Variants in HBS1L observed in about 807,000 individuals in gnomAD.
HBS1L encodes HBS1 like translational GTPase, also known as HBS1-like protein.
In HBS1L, 55 loss-of-function variants were observed where a neutral mutation model predicts 88.9. The ratio of observed to expected loss-of-function variants is 0.62; its 90% confidence interval spans 0.50 to 0.77. The LOEUF is 0.77. Among genes scored for constraint, HBS1L ranks in the 30% least tolerant of loss-of-function variants. HBS1L has a pLI of 0.00. For synonymous variants in HBS1L, 267 were observed against 288.5 expected (o/e 0.93, Z 0.76); for missense variants, 741 against 829.3 (o/e 0.89, Z 1.31).
intron 4 of HBS1L, among the ~76,000 whole-genome samples, chr6:135,033,733 CTT>C (rs1434853421): frequency 6.6e-6 from 1 of 152,178 alleles, no homozygotes; most frequent in Non-Finnish European, 1.5e-5. Flanking sequence ...TTGAAAATTA[CTT>C]TGTTATAAAA....
intron 4 of HBS1L, among the ~76,000 whole-genome samples, chr6:135,009,812 T>G (rs1302356035): frequency 6.6e-6 from 1 of 151,836 alleles, no homozygotes; most frequent in African/African-American, 2.4e-5. Context: ...TTTTTTTTTT[T>G]TTTGTATTTT....
intron 11 of HBS1L, among the ~76,000 whole-genome samples, chr6:134,985,650 T>C (rs947126515): frequency 1.3e-5 from 2 of 152,044 alleles, no homozygotes; most frequent in African/African-American, 4.8e-5. Context: ...GAAATGCTCA[T>C]TGGAGCATTT....
intron 4 of HBS1L, among the ~76,000 whole-genome samples, chr6:135,028,702 G>A (rs1165722285): frequency 6.6e-6 from 1 of 152,030 alleles, no homozygotes; most frequent in Non-Finnish European, 1.5e-5. Context: ...ATGACCAACT[G>A]GAGACGGTTC....
At chr6:134,984,796 T>C (rs1414652376) in intron 12 of HBS1L, among the ~76,000 whole-genome samples, 3 of 152,180 alleles carry the variant, frequency 2.0e-5, no homozygotes, top group Non-Finnish European at 4.4e-5. Flanking sequence ...CAGCCCTATC[T>C]ATAAAGTTTC....
intron 4 of HBS1L, among the ~76,000 whole-genome samples, chr6:135,007,025 T>C (rs978919579): frequency 1.3e-5 from 2 of 152,226 alleles, no homozygotes; most frequent in African/African-American, 4.8e-5. Context: ...AAAAAATTTA[T>C]TGTCCCACTT....
intron 4 of HBS1L, among the ~76,000 whole-genome samples, chr6:135,017,678 C>T (rs1775959737): frequency 6.6e-6 from 1 of 151,600 alleles, no homozygotes; most frequent in African/African-American, 2.4e-5. Context: ...ATAACCTTAA[C>T]AACATAAAGA....
Position 134,978,688 on chromosome 6 carries a change from T to C in HBS1L, c.1788A>G (p.Lys596=). 4 of 1,556,484 alleles carry C rather than the reference T, an allele frequency of 2.6e-6. No individual in the cohort carries two copies. The highest frequency in any genetic ancestry group is 3.5e-6 in the Non-Finnish European group (4 of 1,134,476). ...ACATTTTGGAACTTACAGGAAATCC[T>C]TTAGTGATAGGAATTTCAATATTAA... ...LIFNIEIPIT[K]GFPVLLHYQT... is the part of the protein sequence containing the mutation. Residue 596 remains lysine, a synonymous_variant, in exon 15 of 18, where the codon AAA becomes AAG. Coordinates refer to ENST00000367837, the MANE Select transcript of HBS1L (RefSeq NM_006620.4).
intron 13 of HBS1L, among the ~76,000 whole-genome samples, chr6:134,982,080 A>G (rs930430735): frequency 2.6e-5 from 4 of 152,072 alleles, no homozygotes; most frequent in South Asian, 2.1e-4. Context: ...AGACTGTAGA[A>G]GGCTGCTTTG....
chr6:134,970,095 G>T (rs902561511), intron 15 of HBS1L, among the ~76,000 whole-genome samples: 7 of 152,110 alleles, frequency 4.6e-5, no homozygotes, highest in Non-Finnish European at 7.4e-5. Flanking sequence ...ACAGACCTGG[G>T]TTCAAGTCAC....
chr6:134,996,897 T>C lies in HBS1L; in HGVS notation c.845A>G (p.Tyr282Cys). The change falls in exon 7 of 18, where the codon TAT becomes TGT. Residue 282 changes from tyrosine (Y) to cysteine (C), a missense_variant. By Grantham distance (194) the Tyr-to-Cys change is radical. This residue lies in a region of HBS1L where 556 missense variants were observed against 598.4 expected (regional missense o/e 0.93). Coordinates refer to ENST00000367837, the MANE Select transcript of HBS1L (RefSeq NM_006620.4). Reference sequence around the variant, plus strand: ...TCTTTTGTTTATATTACCCAGAAGATAAAGCATATGGCCCATCAGAGTACT... The same window carrying C: ...TCTTTTGTTTATATTACCCAGAAGACAAAGCATATGGCCCATCAGAGTACT... ...GKSTLMGHML[Y>C]LLGNINKRTM... 1 of 1,608,410 alleles carries C rather than the reference T, an allele frequency of 6.2e-7. No individual in the cohort carries two copies. The highest frequency in any genetic ancestry group is 8.5e-7 in the Non-Finnish European group (1 of 1,178,266).
At chr6:135,010,116 A>C (rs9389256) in intron 4 of HBS1L, among the ~76,000 whole-genome samples, 73,992 of 151,858 alleles carry the variant, frequency 0.49, 18,138 homozygotes, top group South Asian at 0.56. Context: ...ATTCCCTAAG[A>C]TTTGGCCCTA....
Position 134,964,970 on chromosome 6 carries a change from T to C in HBS1L, c.*309A>G. ...GCTTTGGCCAGAAGTAGAGTTCATT[T>C]CATGATGATTCAGTATCTTCAGATA... On this transcript the variant is annotated 3_prime_UTR_variant, in exon 18 of 18. Coordinates refer to ENST00000367837, the MANE Select transcript of HBS1L (RefSeq NM_006620.4). 1 of 398,536 alleles carries C rather than the reference T, an allele frequency of 2.5e-6. No individual in the cohort carries two copies. Among genetic ancestry groups the C allele is most frequent in the Non-Finnish European group, 4.5e-6 (1 of 220,988 alleles). The allele number at this position is 398,536 out of a possible 1,614,324, so 24.7% of individuals were successfully genotyped here. A position where few individuals can be genotyped will look rare whatever the true frequency, so the allele number is the denominator to read the frequency against.
At chr6:135,043,635 A>T (rs1015469722) in intron 2 of HBS1L, among the ~76,000 whole-genome samples, 56 of 152,352 alleles carry the variant, frequency 3.7e-4, no homozygotes, top group South Asian at 2.1e-4. Context: ...AATGAGTAAT[A>T]CCAGACAACA....
intron 4 of HBS1L, among the ~76,000 whole-genome samples, chr6:135,010,248 T>C (rs1400638787): frequency 6.6e-6 from 1 of 152,154 alleles, no homozygotes; most frequent in Non-Finnish European, 1.5e-5. Context: ...AGCCTTGACC[T>C]AGTCATCGGA....
At chr6:135,015,556 A>G (rs148901285) in intron 4 of HBS1L, among the ~76,000 whole-genome samples, 57 of 152,168 alleles carry the variant, frequency 3.7e-4, no homozygotes, top group Middle Eastern at 3.4e-3. Context: ...AGTGCCTCTA[A>G]ATGTAAATAT....
intron 4 of HBS1L, among the ~76,000 whole-genome samples, chr6:135,032,456 A>G (rs117413421): frequency 1.3e-5 from 2 of 152,270 alleles, no homozygotes; most frequent in East Asian, 3.9e-4. Flanking sequence ...ATTCATATTA[A>G]TCCCTCCCTG....
At chr6:134,978,027 A>G (rs1012335918) in intron 15 of HBS1L, among the ~76,000 whole-genome samples, 2 of 152,074 alleles carry the variant, frequency 1.3e-5, no homozygotes, top group East Asian at 1.9e-4. Flanking sequence ...TGGCAAACCA[A>G]CCTTACAACA....
At chr6:134,990,460 C>G (rs184477590) in intron 8 of HBS1L, among the ~76,000 whole-genome samples, 309 of 152,346 alleles carry the variant, frequency 2.0e-3, no homozygotes, top group African/African-American at 7.3e-3. Context: ...ATTTTGCACA[C>G]TCGGCAAGTT....
intron 12 of HBS1L, among the ~76,000 whole-genome samples, chr6:134,983,876 C>G (rs1235104613): frequency 1.3e-5 from 2 of 152,024 alleles, no homozygotes; most frequent in African/African-American, 4.8e-5. Context: ...ATAGACAGGT[C>G]AGAGAAATAG....
Sources: gnomAD v4.1 joint callset for allele counts (sites outside exome capture counted in the v4.1 genomes callset) on GRCh38, gnomAD v4.1.1 for gene constraint, gnomAD v4.1.1 regional missense constraint, MANE v1.5 for transcripts, NCBI Gene and HGNC (gene_info 2026-07-23, HGNC 2026-07-21) for gene names.